The following PAPPA2 variants were observed in gnomAD, a reference collection of about 807,000 sequenced individuals.
The protein encoded by PAPPA2 is pappalysin-2.
In PAPPA2, 86 loss-of-function variants were observed where a neutral mutation model predicts 176.4. That is an observed-to-expected ratio of 0.49 (90% CI 0.41 to 0.58). The LOEUF is 0.58. Ranked by LOEUF, PAPPA2 falls within the 20% of genes least tolerant of loss-of-function variation. PAPPA2 has a pLI of 0.00. For missense variants in PAPPA2, 2,073 were observed against 2,256.9 expected (o/e 0.92, Z 1.65); for synonymous variants, 809 against 852.2 (o/e 0.95, Z 0.88).
At chr1:176,771,249 T>A in intron 17 of PAPPA2, 69 bp downstream of exon 17, 3 of 1,496,670 alleles carry the variant, frequency 2.0e-6, no homozygotes, top group Non-Finnish European at 2.8e-6. Context: ...TTTTTCTGTA[T>A]AATCTCTCTT....
intron 1 of PAPPA2, among the ~76,000 whole-genome samples, chr1:176,542,103 AT>A (rs1485643528): frequency 2.6e-5 from 4 of 152,186 alleles, no homozygotes; most frequent in Admixed American, 2.6e-4. Flanking sequence ...ACACATGAAC[AT>A]TTTTATTATT....
chr1:176,784,562 G>T (rs1448974149), intron 17 of PAPPA2, among the ~76,000 whole-genome samples: 1 of 151,756 alleles, frequency 6.6e-6, no homozygotes, highest in East Asian at 1.9e-4. Context: ...ATCTGGTGAG[G>T]GTACCTTCCT....
intron 14 of PAPPA2, among the ~76,000 whole-genome samples, chr1:176,750,927 C>T (rs576045119): frequency 6.6e-6 from 1 of 152,184 alleles, no homozygotes; most frequent in East Asian, 1.9e-4. Flanking sequence ...TACCATTGTC[C>T]TGAATGGTAA....
At chr1:176,469,640 A>G (rs976639266) in intron 1 of PAPPA2, among the ~76,000 whole-genome samples, 2 of 152,194 alleles carry the variant, frequency 1.3e-5, no homozygotes, top group Non-Finnish European at 2.9e-5. Flanking sequence ...TTTACTGGCA[A>G]CTGGCCTCAG....
intron 3 of PAPPA2, among the ~76,000 whole-genome samples, chr1:176,626,511 C>A (rs376775325): frequency 6.6e-6 from 1 of 152,092 alleles, no homozygotes; most frequent in Non-Finnish European, 1.5e-5. Flanking sequence ...CAGCCATGCT[C>A]CTCTCTCAGA....
At chr1:176,662,700 C>T (rs1658425628) in intron 3 of PAPPA2, among the ~76,000 whole-genome samples, 1 of 151,652 alleles carries the variant, frequency 6.6e-6, no homozygotes. Context: ...TTTATATCTT[C>T]TTTCTGTTTT....
chr1:176,698,982 C>T, intron 7 of PAPPA2, 118 bp from the exon 8 acceptor site: 9 of 1,339,276 alleles, frequency 6.7e-6, no homozygotes, highest in Non-Finnish European at 9.1e-6. Context: ...AGATGACCAA[C>T]TTCTACAGGA....
chr1:176,483,308 A>G (rs1455321615), intron 1 of PAPPA2, among the ~76,000 whole-genome samples: 2 of 151,860 alleles, frequency 1.3e-5, no homozygotes, highest in African/African-American at 4.8e-5. Context: ...ATGCTAGCCT[A>G]TTGTTTTGCT....
intron 3 of PAPPA2, among the ~76,000 whole-genome samples, chr1:176,669,290 C>T (rs1658851115): frequency 6.6e-6 from 1 of 152,074 alleles, no homozygotes; most frequent in Non-Finnish European, 1.5e-5. Flanking sequence ...TTCTTTTCTT[C>T]TCTTTCTTTT....
chr1:176,649,692 C>A (rs1378104192), intron 3 of PAPPA2, among the ~76,000 whole-genome samples: 1 of 151,114 alleles, frequency 6.6e-6, no homozygotes, highest in South Asian at 2.1e-4. Flanking sequence ...GTTTAATTTC[C>A]GTGTGTTTGT....
chr1:176,527,803 G>A (rs1417905384), intron 1 of PAPPA2, among the ~76,000 whole-genome samples: 2 of 152,236 alleles, frequency 1.3e-5, no homozygotes, highest in East Asian at 3.9e-4. Flanking sequence ...GGCAGAACTG[G>A]CACTGAGAGA....
intron 5 of PAPPA2, chr1:176,691,111 C>T (rs726252): frequency 0.58 from 569,137 of 984,296 alleles, 166,331 homozygotes; most frequent in East Asian, 0.88. Context: ...CTGTCTCTCA[C>T]GCCTTCCTTG....
rs550287746 is a variant in PAPPA2 at position 176,493,577 on chromosome 1, A to C, written c.-917+30159A>C. On this transcript the variant is annotated intron_variant, in intron 1 of 22. Coordinates refer to ENST00000367662, the MANE Select transcript of PAPPA2 (RefSeq NM_020318.3). ...AGCAAAACCAATAGCATGAGAGCAG[A>C]GAAGAATACATATTCTTTGCAGGCA... Among the ~76,000 whole-genome samples the C allele has an allele frequency of 2.6e-5, 4 of 152,324 alleles. No individual in the cohort carries two copies. The East Asian group carries it at 7.7e-4, about 29-fold the overall frequency.
At chr1:176,523,460 G>C (rs1204369853) in intron 1 of PAPPA2, among the ~76,000 whole-genome samples, 1 of 152,212 alleles carries the variant, frequency 6.6e-6, no homozygotes, top group Non-Finnish European at 1.5e-5. Flanking sequence ...GGTTAAGCCT[G>C]ATTCATCACC....
intron 2 of PAPPA2, among the ~76,000 whole-genome samples, chr1:176,580,542 T>C (rs1652902299): frequency 6.6e-6 from 1 of 152,238 alleles, no homozygotes; most frequent in Admixed American, 6.5e-5. Flanking sequence ...ATTTATAGTT[T>C]TATGAAGAAC....
intron 2 of PAPPA2, among the ~76,000 whole-genome samples, chr1:176,574,013 C>G (rs10489474): frequency 6.6e-6 from 1 of 151,594 alleles, no homozygotes; most frequent in Non-Finnish European, 1.5e-5. Flanking sequence ...TCATGTGACG[C>G]ATCATTGTTT....
chr1:176,809,964 G>A (rs1293011211), intron 21 of PAPPA2, among the ~76,000 whole-genome samples: 1 of 147,488 alleles, frequency 6.8e-6, no homozygotes, highest in African/African-American at 2.5e-5. Flanking sequence ...GTGTGTGTGT[G>A]TGTGTGTGTG....
chr1:176,554,855 T>A (rs1454242299), intron 1 of PAPPA2, among the ~76,000 whole-genome samples: 1 of 152,112 alleles, frequency 6.6e-6, no homozygotes. Flanking sequence ...CCCCAATGAT[T>A]GAACAAAGTA....
intron 1 of PAPPA2, among the ~76,000 whole-genome samples, chr1:176,541,776 T>C (rs1300830596): frequency 6.6e-6 from 1 of 152,242 alleles, no homozygotes; most frequent in Non-Finnish European, 1.5e-5. Flanking sequence ...GCCTTTTGAT[T>C]TGTTCACTAA....
Sources: gnomAD v4.1 joint callset for allele counts (sites outside exome capture counted in the v4.1 genomes callset) on GRCh38, gnomAD v4.1.1 for gene constraint, MANE v1.5 for transcripts, NCBI Gene and HGNC (gene_info 2026-07-23, HGNC 2026-07-21) for gene names.